The following SIPA1L1 variants were observed in gnomAD, a reference collection of about 807,000 sequenced individuals.
The protein encoded by SIPA1L1 is signal induced proliferation associated 1 like 1, also known as signal-induced proliferation-associated 1-like protein 1.
Under a neutral mutation model 162.7 loss-of-function variants are expected in SIPA1L1, and 26 were observed. The ratio of observed to expected loss-of-function variants is 0.16; its 90% CI spans 0.12 to 0.22. SIPA1L1 has a LOEUF of 0.22. SIPA1L1 is among the 10% of genes least tolerant of loss of function. The pLI is 1.00. For synonymous variants in SIPA1L1, 829 were observed against 837.4 expected, an observed-to-expected ratio of 0.99 and a Z score of 0.17; for missense variants, 1,874 against 2,241.0, an observed-to-expected ratio of 0.84 and a Z score of 3.31.
chr14:71,400,104 C>T (rs937760036), intron 2 of SIPA1L1, among the ~76,000 whole-genome samples: 6 of 152,152 alleles, frequency 3.9e-5, no homozygotes, highest in African/African-American at 1.4e-4. Context: ...GGATTACAGG[C>T]ATCAGCTGAG....
intron 2 of SIPA1L1, among the ~76,000 whole-genome samples, chr14:71,508,316 T>C (rs536276300): frequency 1.3e-4 from 20 of 152,330 alleles, no homozygotes; most frequent in African/African-American, 4.6e-4. Flanking sequence ...GGTGGCACTT[T>C]AAGTTTGGTA....
intron 1 of SIPA1L1, among the ~76,000 whole-genome samples, chr14:71,320,745 C>T (rs1413371885): frequency 6.7e-6 from 1 of 149,860 alleles, no homozygotes; most frequent in Admixed American, 6.6e-5. Context: ...ACCTTCGGAG[C>T]CCGGACCCCC....
At chr14:71,367,392 C>T (rs1248178888) in intron 2 of SIPA1L1, among the ~76,000 whole-genome samples, 4 of 150,616 alleles carry the variant, frequency 2.7e-5, no homozygotes, top group Non-Finnish European at 5.9e-5. Flanking sequence ...CTGTAAACTC[C>T]GCCTCCCGGG....
chr14:71,605,073 T>C lies in SIPA1L1; in HGVS notation c.1499-13684T>C, dbSNP rs2037326958. 2.0e-5 allele frequency among the ~76,000 whole-genome samples: 3 copies of C among 152,112 alleles called. No individual in the cohort carries two copies. In the South Asian group the frequency reaches 6.2e-4, roughly 31 times the overall value. ...CATGTCACATAAGCTTTGCATTTTT[T>C]TATTCTTTTTTTGCAATTTTTGACT... On this transcript the variant is annotated intron_variant, in intron 5 of 23. Coordinates refer to ENST00000381232, the MANE Select transcript of SIPA1L1 (RefSeq NM_001386936.1).
In SIPA1L1 at chr14:71,740,039, G is replaced by C. The variant is rs1364749498; in HGVS notation, c.*878G>C. 6.6e-6 allele frequency: 1 copy of C among 152,170 alleles called. No homozygotes were observed. Among genetic ancestry groups the C allele is most frequent in the Non-Finnish European group, 1.5e-5 (1 of 68,034 alleles). The allele number at this position is 152,170 out of a possible 1,614,324, so 9.4% of individuals were successfully genotyped here. ...CATTTTGAATGCATTTTGGTCAAAA[G>C]TATACGTTTTAAAGATTTTTAAAGA... On this transcript the variant is annotated 3_prime_UTR_variant, in exon 24 of 24. Coordinates refer to ENST00000381232, the MANE Select transcript of SIPA1L1 (RefSeq NM_001386936.1).
Position 71,658,323 on chromosome 14 carries a change from T to G in SIPA1L1, c.1994-10T>G, listed in dbSNP as rs1218868162. 1 of 1,402,788 alleles carries G rather than the reference T, an allele frequency of 7.1e-7. No individual in the cohort carries two copies. The highest frequency in any genetic ancestry group is 1.2e-5 in the South Asian group (1 of 85,556). 86.9% of individuals were successfully genotyped at this position (1,402,788 alleles called of 1,614,324 possible). ...TAGTCATCTCATCATTATATTTTTT[T>G]TAACTGTAGCTGACTCCACTGGAAC... On this transcript the variant is annotated splice_polypyrimidine_tract_variant and intron_variant, in intron 8 of 23. Coordinates refer to ENST00000381232, the MANE Select transcript of SIPA1L1 (RefSeq NM_001386936.1).
chr14:71,656,027 AT>A (rs1306284148), intron 8 of SIPA1L1, among the ~76,000 whole-genome samples: 1 of 152,134 alleles, frequency 6.6e-6, no homozygotes, highest in Non-Finnish European at 1.5e-5. Flanking sequence ...GGATTTTGGA[AT>A]TCTTTTCTTC....
intron 3 of SIPA1L1, among the ~76,000 whole-genome samples, chr14:71,525,157 A>G (rs1246537464): frequency 2.0e-5 from 3 of 151,312 alleles, no homozygotes; most frequent in South Asian, 4.2e-4. Context: ...TATTTTTTGT[A>G]GAGATGGGGT....
In SIPA1L1 at chr14:71,513,340, G is replaced by C. The variant is rs76591307; in HGVS notation, c.-362+495G>C. Among the ~76,000 whole-genome samples the C allele has an allele frequency of 2.4e-3, 359 of 152,060 alleles. 16 individuals are homozygous for C. The East Asian group carries it at 0.063, about 26-fold the overall frequency. On this transcript the variant is annotated intron_variant, in intron 3 of 23. Coordinates refer to ENST00000381232, the MANE Select transcript of SIPA1L1 (RefSeq NM_001386936.1). Reference sequence around the variant, plus strand: ...TGATGATTTGATGTTGGAATTTGTTGGTGTGTGTAGAAGAAACATAGTGTT... The same window carrying C: ...TGATGATTTGATGTTGGAATTTGTTCGTGTGTGTAGAAGAAACATAGTGTT...
chr14:71,663,238 T>G (rs2043698569), intron 10 of SIPA1L1, among the ~76,000 whole-genome samples: 2 of 152,230 alleles, frequency 1.3e-5, no homozygotes, highest in Admixed American at 6.5e-5. Flanking sequence ...AATTAACATG[T>G]GATTTCAGCA....
At chr14:71,515,996 T>G (rs2051688755) in intron 3 of SIPA1L1, among the ~76,000 whole-genome samples, 1 of 152,212 alleles carries the variant, frequency 6.6e-6, no homozygotes, top group Admixed American at 6.5e-5. Context: ...GATGCCAAAT[T>G]TAACTGTTTA....
At chr14:71,692,340 C>T (rs1402055114) in intron 13 of SIPA1L1, among the ~76,000 whole-genome samples, 1 of 152,108 alleles carries the variant, frequency 6.6e-6, no homozygotes, top group Non-Finnish European at 1.5e-5. Context: ...TAGAGCTTTT[C>T]TAAAATTGAC....
At position 71,731,374 on chromosome 14, in the gene SIPA1L1, A is replaced by C. The variant is rs569790956; in HGVS notation, c.4861+1073A>C. Among the ~76,000 whole-genome samples, 90 of 152,246 alleles carry C rather than the reference A, an allele frequency of 5.9e-4. 4 individuals carry two copies. The South Asian group carries it at 0.018, about 31-fold the overall frequency. On this transcript the variant is annotated intron_variant, in intron 20 of 23. Coordinates refer to ENST00000381232, the MANE Select transcript of SIPA1L1 (RefSeq NM_001386936.1). The stretch of plus-strand genomic sequence containing the variant: ...GCTGCTCCATCCACCTGCAGCTAAA[A>C]TCTGGGTTGTCTTTGCGCCAGGAAG...
At chr14:71,716,437 T>A (rs1296718665) in intron 17 of SIPA1L1, among the ~76,000 whole-genome samples, 3 of 152,206 alleles carry the variant, frequency 2.0e-5, no homozygotes, top group African/African-American at 7.2e-5. Flanking sequence ...AAATACCATC[T>A]TTAGCAGGCC....
intron 2 of SIPA1L1, among the ~76,000 whole-genome samples, chr14:71,349,895 G>A (rs2036527828): frequency 6.6e-6 from 1 of 152,178 alleles, no homozygotes; most frequent in Non-Finnish European, 1.5e-5. Context: ...GAGTGCCTAG[G>A]AACCTGGTTA....
intron 2 of SIPA1L1, among the ~76,000 whole-genome samples, chr14:71,417,650 TGGA>T (rs1217873235): frequency 6.7e-5 from 10 of 150,206 alleles, no homozygotes; most frequent in Admixed American, 4.0e-4. Context: ...GTGGCAGAGG[TGGA>T]GGAGGAGGAA....
At position 71,588,582 on chromosome 14, in the gene SIPA1L1, G is replaced by A. The variant is rs754608500; in HGVS notation, c.710G>A (p.Gly237Asp). 1 of 1,614,046 alleles carries A rather than the reference G, an allele frequency of 6.2e-7. No individual in the cohort carries two copies. Among genetic ancestry groups the A allele is most frequent in the Non-Finnish European group, 8.5e-7 (1 of 1,179,970 alleles). ...KGYKDDKSDRGPTPTKLSDFL... is the reference protein window; with the variant it reads ...KGYKDDKSDRDPTPTKLSDFL... ...TACAAAGATGACAAATCTGATCGAG[G>A]TCCAACTCCAACCAAGCTCAGTGAC... The change falls in exon 5 of 24, where the codon GGT becomes GAT. Residue 237 changes from glycine (G) to aspartate (D), a missense_variant. Coordinates refer to ENST00000381232, the MANE Select transcript of SIPA1L1 (RefSeq NM_001386936.1). The surrounding 1 kb of genome is among the most constrained non-coding windows in gnomAD (Gnocchi z 4.3).
chr14:71,550,078 A>G lies in SIPA1L1; in HGVS notation c.-303+20708A>G, dbSNP rs141406479. On this transcript the variant is annotated intron_variant, in intron 4 of 23. Transcript: ENST00000381232. The stretch of plus-strand genomic sequence containing the variant: ...CTTGGAAACCACAGCGAGACCCTGT[A>G]TCTACAAAAAATTTTCAAAAAAATT... Among the ~76,000 whole-genome samples, 113 of 152,208 alleles carry G rather than the reference A, an allele frequency of 7.4e-4. 1 individual carries two copies. The Middle Eastern group carries it at 0.027, about 37-fold the overall frequency.
At chr14:71,530,649 T>A (rs1041256047) in intron 4 of SIPA1L1, among the ~76,000 whole-genome samples, 11 of 152,182 alleles carry the variant, frequency 7.2e-5, no homozygotes, top group Non-Finnish European at 1.3e-4. Context: ...CAACACTCTA[T>A]AGAGAAATCG....
Sources: allele counts gnomAD v4.1 joint callset (sites outside exome capture counted in the v4.1 genomes callset), GRCh38; gene constraint gnomAD v4.1.1; non-coding constraint Gnocchi (gnomAD v3.1); transcripts MANE v1.5; gene names NCBI Gene and HGNC (gene_info 2026-07-23, HGNC 2026-07-21).